TSHZ2: variants seen among roughly 807,000 people sequenced by gnomAD.
The protein encoded by TSHZ2 is teashirt homolog 2.
In TSHZ2, 21 loss-of-function variants were observed where a neutral mutation model predicts 74.4. The ratio of observed to expected loss-of-function variants is 0.28; its 90% CI spans 0.20 to 0.41. The LOEUF is 0.41. TSHZ2 is among the 10% of genes least tolerant of loss of function. TSHZ2 has a pLI of 1.00. For synonymous variants in TSHZ2, 540 were observed against 515.3 expected (o/e 1.05, Z -0.65); for missense variants, 1,244 against 1,293.5 (o/e 0.96, Z 0.59).
At chr20:53,368,562 A>T (rs1170245358) in intron 2 of TSHZ2, among the ~76,000 whole-genome samples, 1 of 151,928 alleles carries the variant, frequency 6.6e-6, no homozygotes, top group African/African-American at 2.4e-5. Flanking sequence ...CCACCCTCCT[A>T]GGCCTCCCAA....
chr20:53,285,492 T>C (rs1991147536), intron 2 of TSHZ2, among the ~76,000 whole-genome samples: 1 of 152,114 alleles, frequency 6.6e-6, no homozygotes, highest in African/African-American at 2.4e-5. Flanking sequence ...GGCAGATCAC[T>C]TGAGGTCAGG....
At chr20:52,985,007 A>G (rs1162498602) in intron 1 of TSHZ2, among the ~76,000 whole-genome samples, 1 of 152,234 alleles carries the variant, frequency 6.6e-6, no homozygotes. Flanking sequence ...TCTGAGCCAA[A>G]GTGGAAACCA....
At chr20:53,279,157 GAAGT>G (rs1991005641) in intron 2 of TSHZ2, among the ~76,000 whole-genome samples, 1 of 152,202 alleles carries the variant, frequency 6.6e-6, no homozygotes, top group Admixed American at 6.5e-5. Context: ...CTGAGAAGAA[GAAGT>G]AAGTAGAGGG....
At chr20:53,243,244 G>C (rs1990114192) in intron 1 of TSHZ2, among the ~76,000 whole-genome samples, 1 of 152,120 alleles carries the variant, frequency 6.6e-6, no homozygotes, top group Admixed American at 6.5e-5. Flanking sequence ...TGAATTTAGG[G>C]AACAAGGAGA....
intron 1 of TSHZ2, among the ~76,000 whole-genome samples, chr20:53,202,995 A>T (rs1418684095): frequency 6.6e-6 from 1 of 152,136 alleles, no homozygotes; most frequent in East Asian, 1.9e-4. Context: ...TAGGCAGATC[A>T]AGGGACACAA....
At chr20:53,038,037 C>T (rs886337407) in intron 1 of TSHZ2, among the ~76,000 whole-genome samples, 1 of 151,524 alleles carries the variant, frequency 6.6e-6, no homozygotes, top group African/African-American at 2.4e-5. Context: ...TTTAGTGTAC[C>T]GCAGGATCAC....
intron 2 of TSHZ2, among the ~76,000 whole-genome samples, chr20:53,472,840 C>T (rs554928636): frequency 1.3e-5 from 2 of 151,952 alleles, no homozygotes; most frequent in Non-Finnish European, 2.9e-5. Context: ...CATTGCCTCA[C>T]TCGGGAAGCG....
At chr20:53,452,090 G>A (rs921970651) in intron 2 of TSHZ2, among the ~76,000 whole-genome samples, 8 of 152,236 alleles carry the variant, frequency 5.3e-5, no homozygotes, top group Non-Finnish European at 1.2e-4. Flanking sequence ...AGGGAAGTCA[G>A]TAACCCCAGA....
chr20:53,061,920 A>G (rs1475494744), intron 1 of TSHZ2, among the ~76,000 whole-genome samples: 4 of 152,206 alleles, frequency 2.6e-5, no homozygotes, highest in Admixed American at 2.0e-4. Context: ...CTTTTCTGAT[A>G]TCATTTTCCC....
At chr20:53,293,574 T>A (rs990487377) in intron 2 of TSHZ2, among the ~76,000 whole-genome samples, 1 of 151,888 alleles carries the variant, frequency 6.6e-6, no homozygotes, top group Non-Finnish European at 1.5e-5. Context: ...CCAGAGGGCA[T>A]GGACACTTTG....
intron 1 of TSHZ2, among the ~76,000 whole-genome samples, chr20:53,078,316 A>G (rs986028859): frequency 6.6e-6 from 1 of 152,192 alleles, no homozygotes; most frequent in African/African-American, 2.4e-5. Context: ...TTGAATGAAC[A>G]CCTAGACATT....
At chr20:53,042,049 T>TG (rs536123424) in intron 1 of TSHZ2, among the ~76,000 whole-genome samples, 1 of 150,922 alleles carries the variant, frequency 6.6e-6, no homozygotes, top group East Asian at 1.9e-4. Flanking sequence ...TACCCAAATG[T>TG]GGGAAAAAAA....
chr20:53,016,529 C>T (rs1189688950), intron 1 of TSHZ2, among the ~76,000 whole-genome samples: 3 of 152,318 alleles, frequency 2.0e-5, no homozygotes, highest in Non-Finnish European at 4.4e-5. Context: ...AGGCATCTTT[C>T]TACCATGTGA....
At chr20:53,014,138 A>G (rs1342729227) in intron 1 of TSHZ2, among the ~76,000 whole-genome samples, 1 of 152,032 alleles carries the variant, frequency 6.6e-6, no homozygotes, top group Non-Finnish European at 1.5e-5. Flanking sequence ...TAGCATTGTC[A>G]AGTTTCTGGT....
intron 1 of TSHZ2, among the ~76,000 whole-genome samples, chr20:53,158,071 A>T (rs1987839109): frequency 6.6e-6 from 1 of 152,172 alleles, no homozygotes; most frequent in African/African-American, 2.4e-5. Flanking sequence ...ATATTTGAAC[A>T]AGATCTGAAT....
rs181188779 is a variant in TSHZ2, at chr20:53,441,770, C to T, written c.*9-45374C>T. 2.7e-3 allele frequency among the ~76,000 whole-genome samples: 413 copies of T among 151,714 alleles called. 1 individual carries two copies. Among genetic ancestry groups the T allele is most frequent in the African/African-American group, 9.6e-3 (396 of 41,340 alleles). On this transcript the variant is annotated intron_variant, in intron 2 of 2. Coordinates refer to ENST00000371497, the MANE Select transcript of TSHZ2 (RefSeq NM_173485.6). ...CTAATTTTTGTATTTTCAATAGAGG[C>T]AGGGTTTTGCCATGTTGGCCAGGCT... is the stretch of plus-strand genomic sequence containing the variant.
intron 1 of TSHZ2, among the ~76,000 whole-genome samples, chr20:53,223,924 CA>C (rs1989623669): frequency 2.0e-5 from 3 of 149,108 alleles, no homozygotes; most frequent in South Asian, 2.1e-4. Flanking sequence ...CACACACACA[CA>C]CACACACCCC....
intron 2 of TSHZ2, among the ~76,000 whole-genome samples, chr20:53,405,870 G>A (rs1350290391): frequency 6.6e-5 from 10 of 152,068 alleles, no homozygotes; most frequent in African/African-American, 2.2e-4. Flanking sequence ...CATGGTGTGT[G>A]CCTGTGGTCC....
At chr20:53,207,858 C>CTTTTTTTTTT (rs58457116) in intron 1 of TSHZ2, among the ~76,000 whole-genome samples, 25 of 96,634 alleles carry the variant, frequency 2.6e-4, no homozygotes, top group Non-Finnish European at 3.3e-4. Flanking sequence ...CATTGTTTTA[C>CTTTTTTTTTT]TTTTTTTTTT....
Sources: allele counts gnomAD v4.1 joint callset (sites outside exome capture counted in the v4.1 genomes callset), GRCh38; gene constraint gnomAD v4.1.1; transcripts MANE v1.5; gene names NCBI Gene and HGNC (gene_info 2026-07-23, HGNC 2026-07-21).